The following FOXO3 variants were observed in gnomAD, a reference collection of about 807,000 sequenced individuals.
The protein encoded by FOXO3 is forkhead box protein O3.
A neutral mutation model predicts 41.9 loss-of-function variants in FOXO3; 4 were observed. The observed-to-expected ratio is 0.10, with a 90% CI of 0.05 to 0.22. The LOEUF (loss-of-function observed/expected upper bound fraction) is 0.22. Among genes scored for constraint, FOXO3 ranks in the 10% least tolerant of loss-of-function variants. The pLI, the probability that FOXO3 is intolerant of heterozygous loss-of-function variation, is 1.00. For missense variants in FOXO3, 534 were observed against 906.8 expected (o/e 0.59, Z 5.28); for synonymous variants, 318 against 389.3 (o/e 0.82, Z 2.16).
intron 1 of FOXO3, among the ~76,000 whole-genome samples, chr6:108,603,366 T>C (rs977800859): frequency 7.2e-5 from 11 of 152,186 alleles, no homozygotes; most frequent in Admixed American, 6.5e-4. Flanking sequence ...CATTCAGTCA[T>C]TCAAGTACCT....
chr6:108,599,757 T>C (rs185171214), intron 1 of FOXO3, among the ~76,000 whole-genome samples: 1 of 152,338 alleles, frequency 6.6e-6, no homozygotes, highest in Admixed American at 6.5e-5. Context: ...ACATCCACCA[T>C]ATATCATCGT....
chr6:108,609,675 G>A (rs1777304722), intron 1 of FOXO3, among the ~76,000 whole-genome samples: 1 of 152,176 alleles, frequency 6.6e-6, no homozygotes, highest in South Asian at 2.1e-4. Flanking sequence ...TTAAGGCTAA[G>A]GTATTTGTGT....
rs775021576 is a variant in FOXO3 at position 108,663,720 on chromosome 6, C to A, written c.887C>A (p.Thr296Lys). The change falls in exon 2 of 3, where the codon ACG (threonine) becomes AAG (lysine). Residue 296 changes from threonine (T) to lysine (K), a missense_variant. Around this residue, in one of 8 missense-constraint regions of FOXO3, gnomAD observed 185 missense variants for 224.9 expected, o/e 0.82. Coordinates refer to ENST00000406360, the MANE Select transcript of FOXO3 (RefSeq NM_001455.4). ...SQLSKWPGSP[T>K]SRSSDELDAW... ...CTCTCCAAGTGGCCTGGCAGCCCCA[C>A]GTCACGCAGCAGTGATGAGCTGGAT... The A allele has an allele frequency of 6.2e-7, 1 of 1,613,444 alleles. No homozygotes were observed. The highest frequency in any genetic ancestry group is 8.5e-7 in the Non-Finnish European group (1 of 1,179,654).
chr6:108,578,689 A>C (rs1776327354), intron 1 of FOXO3, among the ~76,000 whole-genome samples: 1 of 152,180 alleles, frequency 6.6e-6, no homozygotes, highest in South Asian at 2.1e-4. Context: ...TCCTAGTTTT[A>C]AAACCACTAT....
In FOXO3 at chr6:108,663,992, A is replaced by G. The variant is rs781529385; in HGVS notation, c.1159A>G (p.Met387Val). The G allele has an allele frequency of 3.1e-6, 5 of 1,613,988 alleles. No individual in the cohort carries two copies. Among genetic ancestry groups the G allele is most frequent in the African/African-American group, 1.3e-5 (1 of 74,906 alleles). Reference protein sequence around the residue: ...NLNDGLTENLMDDLLDNITLP... With the variant: ...NLNDGLTENLVDDLLDNITLP... ...GAATGATGGGCTGACTGAAAACCTC[A>G]TGGACGACCTGCTGGATAACATCAC... Residue 387 changes from methionine (M) to valine (V), a missense_variant, in exon 2 of 3, where the codon ATG becomes GTG. This residue lies in a region of FOXO3 where 185 missense variants were observed against 224.9 expected (regional missense o/e 0.82). Transcript: ENST00000406360.
chr6:108,624,632 G>A (rs542679149), intron 1 of FOXO3, among the ~76,000 whole-genome samples: 15 of 152,206 alleles, frequency 9.9e-5, no homozygotes, highest in South Asian at 2.1e-4. Context: ...GTTAAAGTTC[G>A]TATTGTACTT....
At chr6:108,619,313 C>A (rs1777603531) in intron 1 of FOXO3, among the ~76,000 whole-genome samples, 1 of 152,192 alleles carries the variant, frequency 6.6e-6, no homozygotes, top group African/African-American at 2.4e-5. Context: ...AGAAGAGACA[C>A]CTGAATTTTC....
intron 1 of FOXO3, among the ~76,000 whole-genome samples, chr6:108,628,355 C>T (rs1017429107): frequency 6.6e-6 from 1 of 152,234 alleles, no homozygotes; most frequent in South Asian, 2.1e-4. Flanking sequence ...ACTCTTCTCT[C>T]CTCCCCCAAA....
At chr6:108,607,556 AT>A (rs1300504201) in intron 1 of FOXO3, among the ~76,000 whole-genome samples, 1 of 151,966 alleles carries the variant, frequency 6.6e-6, no homozygotes, top group Non-Finnish European at 1.5e-5. Context: ...TGAAAATGGA[AT>A]TGTAAAATGT....
At chr6:108,623,907 T>C (rs1442628612) in intron 1 of FOXO3, among the ~76,000 whole-genome samples, 1 of 152,224 alleles carries the variant, frequency 6.6e-6, no homozygotes, top group East Asian at 1.9e-4. Flanking sequence ...CTTAGTTGTT[T>C]GTTAAATGGA....
chr6:108,620,519 C>CT (rs1315568580), intron 1 of FOXO3, among the ~76,000 whole-genome samples: 1 of 152,132 alleles, frequency 6.6e-6, no homozygotes, highest in African/African-American at 2.4e-5. Context: ...GATGGTAGGG[C>CT]TGTACACAGC....
chr6:108,577,802 G>A (rs1776303160), intron 1 of FOXO3, among the ~76,000 whole-genome samples: 2 of 152,192 alleles, frequency 1.3e-5, no homozygotes, highest in Admixed American at 6.5e-5. Context: ...AAGGAGTGCT[G>A]TAAAGTTGGG....
intron 1 of FOXO3, 61 bp from the exon 2 acceptor site, chr6:108,663,394 T>C: frequency 6.6e-7 from 1 of 1,524,310 alleles, no homozygotes; most frequent in Non-Finnish European, 8.8e-7. Context: ...TACTATATCA[T>C]CTGGGTGCTC....
chr6:108,605,132 T>TC (rs924621811), intron 1 of FOXO3, among the ~76,000 whole-genome samples: 1 of 152,154 alleles, frequency 6.6e-6, no homozygotes, highest in African/African-American at 2.4e-5. Context: ...TCTTTTTTTT[T>TC]CCCTGAGACG....
At chr6:108,580,273 C>G (rs1017426183) in intron 1 of FOXO3, among the ~76,000 whole-genome samples, 3 of 143,010 alleles carry the variant, frequency 2.1e-5, no homozygotes, top group African/African-American at 5.1e-5. Flanking sequence ...ACCACAACCT[C>G]TGCCTCCTGG....
chr6:108,637,950 C>A (rs780469187), intron 1 of FOXO3, among the ~76,000 whole-genome samples: 1 of 151,826 alleles, frequency 6.6e-6, no homozygotes, highest in Admixed American at 6.6e-5. Context: ...ATCAGTAGAA[C>A]AGGAAAGAAA....
intron 1 of FOXO3, among the ~76,000 whole-genome samples, chr6:108,606,946 ATTTTTGTTTTTG>A (rs1173398272): frequency 6.6e-6 from 1 of 152,018 alleles, no homozygotes; most frequent in Non-Finnish European, 1.5e-5. Context: ...TCTTGTTTTT[ATTTTTGTTTTTG>A]TTTTGTTATG....
At chr6:108,676,276 A>G (rs1009930162) in intron 2 of FOXO3, among the ~76,000 whole-genome samples, 1 of 152,280 alleles carries the variant, frequency 6.6e-6, no homozygotes, top group Non-Finnish European at 1.5e-5. Context: ...ATTGCCTAGT[A>G]CTTGCAGAGT....
At chr6:108,666,556 G>T (rs539073655) in intron 2 of FOXO3, among the ~76,000 whole-genome samples, 5 of 151,346 alleles carry the variant, frequency 3.3e-5, no homozygotes, top group Non-Finnish European at 5.9e-5. Flanking sequence ...TGTTCACCAG[G>T]ATGGTCTCGA....
Sources: gnomAD v4.1 joint callset for allele counts (sites outside exome capture counted in the v4.1 genomes callset) on GRCh38, gnomAD v4.1.1 for gene constraint, gnomAD v4.1.1 regional missense constraint, MANE v1.5 for transcripts, NCBI Gene and HGNC (gene_info 2026-07-23, HGNC 2026-07-21) for gene names.